PIK3C2B: variants seen among roughly 807,000 people sequenced by gnomAD.
PIK3C2B encodes the protein phosphatidylinositol-4-phosphate 3-kinase catalytic subunit type 2 beta.
Under a neutral mutation model 184.3 loss-of-function variants are expected in PIK3C2B, and 83 were observed. That is an observed-to-expected ratio of 0.45 (90% CI 0.38 to 0.54). PIK3C2B has a LOEUF of 0.54. Among genes scored for constraint, PIK3C2B ranks in the 20% least tolerant of loss-of-function variants. PIK3C2B has a pLI of 0.00. For synonymous variants in PIK3C2B, 779 were observed against 837.6 expected (o/e 0.93, Z 1.21); for missense variants, 1,736 against 2,113.5 (o/e 0.82, Z 3.50).
At chr1:204,435,939 C>T (rs567458022) in intron 23 of PIK3C2B, 3 of 152,306 alleles carry the variant, frequency 2.0e-5, no homozygotes, top group East Asian at 1.9e-4. Context: ...AACTCCCAGT[C>T]GTGACCTGGA....
chr1:204,469,531 A>G lies in PIK3C2B; in HGVS notation c.272T>C (p.Leu91Pro). 1 of 1,602,950 alleles carries G rather than the reference A, an allele frequency of 6.2e-7. No homozygotes were observed. Among genetic ancestry groups the G allele is most frequent in the Non-Finnish European group, 8.5e-7 (1 of 1,174,568 alleles). ...LRGLSGSDPT[L>P]NYNSLSPQEG... Reference sequence around the variant, plus strand: ...CTGTGGGGAGAGTGAGTTGTAGTTAAGGGTAGGATCAGAGCCAGAGAGACC... The same window carrying G: ...CTGTGGGGAGAGTGAGTTGTAGTTAGGGGTAGGATCAGAGCCAGAGAGACC... Residue 91 changes from leucine (L) to proline (P), a missense_variant, in exon 2 of 33, where the codon CTT (leucine) becomes CCT (proline). Leu to Pro is a moderately conservative substitution (Grantham distance 98, BLOSUM62 -3). Coordinates refer to ENST00000684373, the MANE Select transcript of PIK3C2B (RefSeq NM_001377334.1).
At chr1:204,464,385 A>C (rs200798708) in intron 4 of PIK3C2B, 65 bp downstream of exon 4, 2 of 1,206,246 alleles carry the variant, frequency 1.7e-6, no homozygotes, top group East Asian at 2.5e-5. Flanking sequence ...AAATCGAGTC[A>C]AAACACAGTC....
chr1:204,469,952 C>A (rs1656165719), intron 1 of PIK3C2B, 66 bp from the exon 2 acceptor site: 3 of 608,522 alleles, frequency 4.9e-6, no homozygotes, highest in Non-Finnish European at 5.9e-6. Flanking sequence ...CCATAATAAT[C>A]CAATTTAGGT....
chr1:204,494,507 C>T lies in PIK3C2B; in HGVS notation c.-236G>A, dbSNP rs949757760. 3 of 152,408 alleles carry T rather than the reference C, an allele frequency of 2.0e-5. No individual in the cohort carries two copies. The highest frequency in any genetic ancestry group is 7.2e-5 in the African/African-American group (3 of 41,450). The allele number at this position is 152,408 out of a possible 1,614,324, so 9.4% of individuals were successfully genotyped here. On this transcript the variant is annotated 5_prime_UTR_variant, in exon 1 of 33. Transcript: ENST00000684373. ...GCTGGCCGGCCGCACGCCGCCTGCT[C>T]CCGGGCCGCTCCCCTCTCCAGGCTC...
Position 204,441,486 on chromosome 1 carries a change from G to C in PIK3C2B, c.3234C>G (p.Ile1078Met). The C allele has an allele frequency of 8.7e-6, 14 of 1,609,936 alleles. No individual in the cohort carries two copies. Among genetic ancestry groups the C allele is most frequent in the Non-Finnish European group, 1.2e-5 (14 of 1,176,288 alleles). The change falls in exon 21 of 33, where the codon ATC (isoleucine) becomes ATG (methionine). Residue 1078 changes from isoleucine to methionine, a missense_variant. Transcript: ENST00000684373. ...GTATTCTCACCTTGAAGATGACACGGATGTTCTCACCCAGGGGATCCACAT... is the reference window on the plus strand; with the variant it reads ...GTATTCTCACCTTGAAGATGACACGCATGTTCTCACCCAGGGGATCCACAT... Reference protein sequence around the residue: ...FQNVDPLGENIRVIFKCGDDL... With the variant: ...FQNVDPLGENMRVIFKCGDDL...
At position 204,464,657 on chromosome 1, in the gene PIK3C2B, G is replaced by A; in HGVS notation, c.1035-53C>T. 1.9e-6 allele frequency: 3 copies of A among 1,549,622 alleles called. No individual in the cohort carries two copies. In the South Asian group the frequency reaches 3.5e-5, roughly 18 times the overall value. On this transcript the variant is annotated intron_variant, in intron 3 of 32. Coordinates refer to ENST00000684373, the MANE Select transcript of PIK3C2B (RefSeq NM_001377334.1). ...TGTGCCTTTAGAAGAGAGTAGTCAA[G>A]AAGACATCTGTTGGGAACCTCATGC...
At chr1:204,429,281 A>G (rs1262848168) in intron 29 of PIK3C2B, among the ~76,000 whole-genome samples, 1 of 152,186 alleles carries the variant, frequency 6.6e-6, no homozygotes, top group Non-Finnish European at 1.5e-5. Flanking sequence ...TGGGGAAAAA[A>G]AACACATACT....
At position 204,428,140 on chromosome 1, in the gene PIK3C2B, T is replaced by C; in HGVS notation, c.4479A>G (p.Ser1493=). The change falls in exon 30 of 33, where the codon TCA becomes TCG. Residue 1493 remains serine (S), a splice_region_variant and synonymous_variant. Transcript: ENST00000684373. ...AAGGTCTCAGAGAAGATACTGTACC[T>C]GAGGACTTAGGAGCTGGGCTGGTGC... The part of the protein sequence containing the change: ...AMGTSPAPKS[S]DGTWARPVGK... 1 of 1,595,172 alleles carries C rather than the reference T, an allele frequency of 6.3e-7. No homozygotes were observed. Among genetic ancestry groups the C allele is most frequent in the Non-Finnish European group, 8.6e-7 (1 of 1,163,040 alleles).
At chr1:204,431,834 C>G (rs908618258) in intron 27 of PIK3C2B, 41 bp from the exon 28 acceptor site, 7 of 1,613,800 alleles carry the variant, frequency 4.3e-6, no homozygotes, top group Non-Finnish European at 5.9e-6. Flanking sequence ...GCCGAGCCCT[C>G]TGCACCCAGT....
At chr1:204,465,085 G>A in intron 3 of PIK3C2B, 134 bp downstream of exon 3, 2 of 667,262 alleles carry the variant, frequency 3.0e-6, no homozygotes, top group Non-Finnish European at 5.4e-6. Context: ...GTTGTAGGAA[G>A]CATTTTCATA....
In PIK3C2B at chr1:204,464,705, G is replaced by C. The variant is rs1309311869; in HGVS notation, c.1035-101C>G. The C allele has an allele frequency of 7.0e-6, 8 of 1,142,076 alleles. No homozygotes were observed. In the Admixed American group the frequency reaches 7.4e-5, roughly 11 times the overall value. 70.7% of individuals were successfully genotyped at this position (1,142,076 alleles called of 1,614,324 possible). ...TGCTCTGAGGCTCAAGAGCCCCTCT[G>C]TCCCCACTCAGCCCAGCCCTCCAAA... On this transcript the variant is annotated intron_variant, in intron 3 of 32. Coordinates refer to ENST00000684373, the MANE Select transcript of PIK3C2B (RefSeq NM_001377334.1).
chr1:204,455,197 C>G (rs1209204158), intron 11 of PIK3C2B, among the ~76,000 whole-genome samples: 1 of 152,234 alleles, frequency 6.6e-6, no homozygotes, highest in East Asian at 1.9e-4. Context: ...ACGGGGGTCC[C>G]TGTGGCTCAT....
chr1:204,429,890 G>A (rs763831276), intron 29 of PIK3C2B, 31 bp downstream of exon 29: 2 of 1,407,304 alleles, frequency 1.4e-6, no homozygotes, highest in South Asian at 1.1e-5. Context: ...CACCAGCCTG[G>A]ACAGCCAGGA....
Position 204,424,718 on chromosome 1 carries a change from G to C in PIK3C2B, c.*134C>G, listed in dbSNP as rs1222848590. 2.3e-6 allele frequency: 2 copies of C among 853,820 alleles called. No individual in the cohort carries two copies. The highest frequency in any genetic ancestry group is 4.0e-6 in the Non-Finnish European group (2 of 495,590). 52.9% of individuals were successfully genotyped at this position (853,820 alleles called of 1,614,324 possible). Reference sequence around the variant, plus strand: ...ACTCTCCCTGCCTCCTACCACAGAGGCCAGAATCACCTGGACCGAGCTGGA... The same window carrying C: ...ACTCTCCCTGCCTCCTACCACAGAGCCCAGAATCACCTGGACCGAGCTGGA... On this transcript the variant is annotated 3_prime_UTR_variant, in exon 33 of 33. Coordinates refer to ENST00000684373, the MANE Select transcript of PIK3C2B (RefSeq NM_001377334.1).
At position 204,471,963 on chromosome 1, in the gene PIK3C2B, A is replaced by AT. The variant is rs34887718; in HGVS notation, c.-84-2078dup. Reference sequence around the variant, plus strand: ...GTCTTACAGGTGTGCCAAAATATTGATTTTTTTTTTTCCCCCAGCCCTCAG... The same window carrying AT: ...GTCTTACAGGTGTGCCAAAATATTGATTTTTTTTTTTTCCCCCAGCCCTCAG... On this transcript the variant is annotated intron_variant, in intron 1 of 32. Coordinates refer to ENST00000684373, the MANE Select transcript of PIK3C2B (RefSeq NM_001377334.1). Among the ~76,000 whole-genome samples, 1,007 of 151,366 alleles carry AT rather than the reference A, an allele frequency of 6.7e-3. 7 individuals carry two copies. Among genetic ancestry groups the AT allele is most frequent in the African/African-American group, 0.023 (958 of 41,002 alleles).
chr1:204,440,753 C>T (rs983387762), intron 21 of PIK3C2B, among the ~76,000 whole-genome samples: 21 of 134,932 alleles, frequency 1.6e-4, no homozygotes, highest in South Asian at 2.6e-4. Flanking sequence ...CCTGCCACCA[C>T]GCCCAGCTAA....
intron 7 of PIK3C2B, 128 bp from the exon 8 acceptor site, chr1:204,460,069 A>G (rs1314750005): frequency 5.2e-6 from 4 of 774,004 alleles, no homozygotes; most frequent in African/African-American, 1.7e-5. Flanking sequence ...CTCTTTCTAT[A>G]TGTCCTGTGA....
In PIK3C2B at chr1:204,430,028, G is replaced by A. The variant is rs1458432047; in HGVS notation, c.4291C>T (p.Arg1431Cys). Residue 1431 changes from arginine (R) to cysteine (C), a missense_variant, in exon 29 of 33, where the codon CGC becomes TGC. Arg to Cys is a radical substitution (Grantham distance 180, BLOSUM62 -3). This residue lies in a region of PIK3C2B where 200 missense variants were observed against 199.1 expected (regional missense o/e 1.00). Coordinates refer to ENST00000684373, the MANE Select transcript of PIK3C2B (RefSeq NM_001377334.1). ...PSSHLPSFPS[R>C]FVIGRSRGEA... is the part of the protein sequence containing the mutation. ...CCCCGGGAGCGGCCGATCACGAAGC[G>A]ACTAGGGAAGCTGGCGTGGCAGCGT... 8.7e-6 allele frequency: 14 copies of A among 1,607,292 alleles called. No homozygotes were observed. Among genetic ancestry groups the A allele is most frequent in the Admixed American group, 1.7e-5 (1 of 59,980 alleles).
chr1:204,434,443 T>C lies in PIK3C2B; in HGVS notation c.3682A>G (p.Lys1228Glu). 6.2e-7 allele frequency: 1 copy of C among 1,614,044 alleles called. No homozygotes were observed. ...LGHAQMFGNIKRDRAPFVFTS... is the reference protein window; with the variant it reads ...LGHAQMFGNIERDRAPFVFTS... ...TGGCTTCAGGAGATCACTTACCGCT[T>C]GATGTTGCCAAACATCTGGGCATGG... is the stretch of plus-strand genomic sequence containing the variant. Residue 1228 changes from lysine to glutamate, a missense_variant, in exon 24 of 33, where the codon AAG (lysine) becomes GAG (glutamate). Around this residue, in one of 8 missense-constraint regions of PIK3C2B, gnomAD observed 119 missense variants for 179.3 expected, o/e 0.66. Transcript: ENST00000684373.
Sources: gnomAD v4.1 joint callset for allele counts (sites outside exome capture counted in the v4.1 genomes callset) on GRCh38, gnomAD v4.1.1 for gene constraint, gnomAD v4.1.1 regional missense constraint, MANE v1.5 for transcripts, NCBI Gene and HGNC (gene_info 2026-07-23, HGNC 2026-07-21) for gene names.